Variants in CHM observed in about 807,000 individuals in gnomAD.
The protein encoded by CHM is CHM Rab escort protein.
CHM carries 10 observed loss-of-function variants against 49.0 expected under a neutral mutation model. That is an observed-to-expected ratio of 0.20 (90% confidence interval 0.13 to 0.35). The LOEUF (loss-of-function observed/expected upper bound fraction) is 0.35, where lower values mean the gene tolerates loss of function less well. CHM is among the 10% of genes least tolerant of loss of function. The probability of loss-of-function intolerance (pLI) is 1.00; values close to 1 mark genes in which losing one functional copy is unlikely to be tolerated. For missense variants in CHM, 455 were observed against 478.4 expected (o/e 0.95, Z 0.46); for synonymous variants, 184 against 167.5 (o/e 1.10, Z -0.76).
In CHM at chrX:85,978,860, A is replaced by G; in HGVS notation, c.221T>C (p.Val74Ala). 8.3e-7 allele frequency: 1 copy of G among 1,207,313 alleles called. No homozygotes were observed. Among genetic ancestry groups the G allele is most frequent in the South Asian group, 1.8e-5 (1 of 56,892 alleles). ...ENSDIVSDSP[V>A]WQDQILENEE... ...ATTTTCAAGGATCTGGTCTTGCCAC[A>G]CTGGACTGTCACTTACAATGTCACT... The change falls in exon 4 of 15, where the codon GTG (valine) becomes GCG (alanine). Residue 74 changes from valine to alanine, a missense_variant. Val to Ala is a moderately conservative substitution (Grantham distance 64, BLOSUM62 0). Transcript: ENST00000357749.
intron 8 of CHM, among the ~76,000 whole-genome samples, chrX:85,922,102 A>G (rs12559759): frequency 0.013 from 1,515 of 112,283 alleles, 49 homozygotes; most frequent in Admixed American, 0.089. Context: ...ACACATGTTC[A>G]TGCACTATAA....
intron 9 of CHM, among the ~76,000 whole-genome samples, chrX:85,909,284 C>G (rs1355150002): frequency 9.0e-6 from 1 of 111,476 alleles, no homozygotes; most frequent in Non-Finnish European, 1.9e-5. Context: ...ATTGATACGG[C>G]CTTAGACTGA....
intron 13 of CHM, among the ~76,000 whole-genome samples, chrX:85,875,135 C>CTGACATAGGCTG (rs959082511): frequency 9.0e-6 from 1 of 111,601 alleles, no homozygotes; most frequent in African/African-American, 3.3e-5. Flanking sequence ...AGGTGAAAAA[C>CTGACATAGGCTG]TGACATAGGC....
At chrX:86,024,202 G>A (rs990447398) in intron 2 of CHM, among the ~76,000 whole-genome samples, 1 of 112,094 alleles carries the variant, frequency 8.9e-6, no homozygotes, top group African/African-American at 3.2e-5. Context: ...GTGGGAAGAT[G>A]AAGTAAAGAC....
At chrX:85,909,752 C>A (rs1346138565) in intron 9 of CHM, among the ~76,000 whole-genome samples, 1 of 111,913 alleles carries the variant, frequency 8.9e-6, no homozygotes, top group African/African-American at 3.2e-5. Flanking sequence ...AACAAACAAA[C>A]AAACATGAGC....
chrX:85,918,671 T>C (rs1009143470), intron 8 of CHM, among the ~76,000 whole-genome samples: 2 of 111,999 alleles, frequency 1.8e-5, no homozygotes, highest in Non-Finnish European at 3.8e-5. Context: ...TAACATGCTG[T>C]GACACCCATA....
At chrX:85,989,595 A>G (rs1932080976) in intron 2 of CHM, among the ~76,000 whole-genome samples, 1 of 112,063 alleles carries the variant, frequency 8.9e-6, no homozygotes, top group South Asian at 3.7e-4. Context: ...TTTGCAAACC[A>G]TGCATCTGAC....
chrX:86,001,280 A>G (rs1347650996), intron 2 of CHM, among the ~76,000 whole-genome samples: 1 of 111,476 alleles, frequency 9.0e-6, no homozygotes, highest in Non-Finnish European at 1.9e-5. Flanking sequence ...CATTTTGTTC[A>G]TAACAAGAAA....
chrX:85,920,102 A>AT (rs754844812), intron 8 of CHM, among the ~76,000 whole-genome samples: 1,617 of 104,625 alleles, frequency 0.015, 7 homozygotes, highest in South Asian at 0.026. Context: ...TTTTATTTTT[A>AT]TTTTTTTTTT....
intron 8 of CHM, among the ~76,000 whole-genome samples, chrX:85,928,853 T>C (rs1037169435): frequency 2.1e-4 from 23 of 111,526 alleles, no homozygotes; most frequent in African/African-American, 5.5e-4. Flanking sequence ...GACATTGATA[T>C]ATTATTATTA....
At chrX:85,925,955 T>C (rs1168637502) in intron 8 of CHM, among the ~76,000 whole-genome samples, 1 of 111,043 alleles carries the variant, frequency 9.0e-6, no homozygotes, top group African/African-American at 3.3e-5. Flanking sequence ...GCCACTCATG[T>C]CATTTTCCTG....
At chrX:86,013,527 T>C (rs1296442725) in intron 2 of CHM, among the ~76,000 whole-genome samples, 22 of 105,795 alleles carry the variant, frequency 2.1e-4, no homozygotes, top group Admixed American at 8.1e-4. Flanking sequence ...AGGTCAGGAG[T>C]TTTGAGACCA....
chrX:85,898,614 C>A, intron 11 of CHM, among the ~76,000 whole-genome samples: 1 of 112,463 alleles, frequency 8.9e-6, no homozygotes, highest in African/African-American at 3.2e-5. Flanking sequence ...TATTTGCTCT[C>A]TTCACTCTTC....
At position 86,047,474 on chromosome X, in the gene CHM, C is replaced by G. The variant is rs1389720840; in HGVS notation, c.49+10G>C. 8.3e-7 allele frequency: 1 copy of G among 1,205,560 alleles called. No individual in the cohort carries two copies. The highest frequency in any genetic ancestry group is 1.7e-5 in the African/African-American group (1 of 57,740). ...TAAACTTTGTCCAGGAAGCACCAGG[C>G]TACACATACCCGTCCCTATTACGAT... On this transcript the variant is annotated intron_variant, in intron 1 of 14. Transcript: ENST00000357749.
chrX:86,027,281 T>TA, intron 2 of CHM: 1 of 267,455 alleles, frequency 3.7e-6, no homozygotes, highest in Admixed American at 7.5e-5. Context: ...TTCTCAAAGA[T>TA]CACTATTTCA....
At chrX:85,929,057 CA>C (rs1476709327) in intron 8 of CHM, among the ~76,000 whole-genome samples, 7 of 111,482 alleles carry the variant, frequency 6.3e-5, no homozygotes, top group African/African-American at 2.3e-4. Flanking sequence ...GTCTCAAACT[CA>C]GAAAATCATA....
At chrX:85,978,584 G>A (rs978997761) in intron 4 of CHM, 183 bp downstream of exon 4, 2 of 356,387 alleles carry the variant, frequency 5.6e-6, no homozygotes, top group African/African-American at 2.6e-5. Context: ...AGGCGTTAAG[G>A]TAAAATGTTA....
chrX:85,885,740 T>A (rs1352261868), intron 12 of CHM, among the ~76,000 whole-genome samples: 1 of 111,121 alleles, frequency 9.0e-6, no homozygotes, highest in East Asian at 2.8e-4. Flanking sequence ...GTTTATTTCA[T>A]GATTTCATTA....
At chrX:86,038,127 C>T (rs1300164158) in intron 1 of CHM, among the ~76,000 whole-genome samples, 8 of 111,756 alleles carry the variant, frequency 7.2e-5, no homozygotes, top group Non-Finnish European at 1.1e-4. Flanking sequence ...TTGGGCAAAC[C>T]TCTCTCCCTT....
Sources: allele counts gnomAD v4.1 joint callset (sites outside exome capture counted in the v4.1 genomes callset), GRCh38; gene constraint gnomAD v4.1.1; transcripts MANE v1.5; gene names NCBI Gene and HGNC (gene_info 2026-07-23, HGNC 2026-07-21).